The following HAPLN3 variants were observed in gnomAD, a reference collection of about 807,000 sequenced individuals.
HAPLN3 encodes the protein extracellular link domain containing, 1.
A neutral mutation model predicts 28.1 loss-of-function variants in HAPLN3; 28 were observed. The observed-to-expected ratio is 1.00, with a 90% CI of 0.74 to 1.37. The LOEUF (loss-of-function observed/expected upper bound fraction) is 1.37, where lower values mean the gene tolerates loss of function less well. Among genes scored for constraint, HAPLN3 ranks in the 40% most tolerant of loss-of-function variants. The pLI, the probability that HAPLN3 is intolerant of heterozygous loss-of-function variation, is 0.00. For missense variants in HAPLN3, 513 were observed against 504.6 expected, an observed-to-expected ratio of 1.02 and a Z score of -0.16; for synonymous variants, 211 against 213.1, an observed-to-expected ratio of 0.99 and a Z score of 0.09.
intron 2 of HAPLN3, among the ~76,000 whole-genome samples, chr15:88,886,520 T>C (rs1369451478): frequency 6.6e-6 from 1 of 151,546 alleles, no homozygotes; most frequent in East Asian, 2.0e-4. Flanking sequence ...TAGTAAGAGG[T>C]AGAATTATAA....
chr15:88,887,045 C>A (rs540063503), intron 2 of HAPLN3, 130 bp downstream of exon 2: 2 of 993,782 alleles, frequency 2.0e-6, no homozygotes, highest in Non-Finnish European at 3.2e-6. Context: ...GCAAGCTGGC[C>A]CACTACAAGG....
Position 88,887,159 on chromosome 15 carries a change from G to T in HAPLN3, c.124+16C>A, listed in dbSNP as rs1377509579. 3.1e-6 allele frequency: 5 copies of T among 1,613,874 alleles called. No individual in the cohort carries two copies. The highest frequency in any genetic ancestry group is 1.7e-5 in the Admixed American group (1 of 60,006). ...CACCCAGGGGAGCAAAGAGCCGGGT[G>T]CAGGAGGTCGCCTACCTTTGCCATG... On this transcript the variant is annotated intron_variant, in intron 2 of 4. Transcript: ENST00000359595.
Position 88,888,654 on chromosome 15 carries a change from T to A in HAPLN3, c.-47-1309A>T, listed in dbSNP as rs1897930497. On this transcript the variant is annotated intron_variant, in intron 1 of 4. Transcript: ENST00000359595. The surrounding 1 kb of genome is among the most constrained non-coding windows in gnomAD (Gnocchi z 4.1). Reference sequence around the variant, plus strand: ...GCCATTTACTGCGTGCTCTCAACAATTAAAAGATGGGGTCACTCCTTGAAG... The same window carrying A: ...GCCATTTACTGCGTGCTCTCAACAAATAAAAGATGGGGTCACTCCTTGAAG... 2.0e-5 allele frequency among the ~76,000 whole-genome samples: 3 copies of A among 152,092 alleles called. No homozygotes were observed. The highest frequency in any genetic ancestry group is 2.0e-4 in the Admixed American group (3 of 15,252).
At chr15:88,894,276 G>A (rs1283005278) in intron 1 of HAPLN3, among the ~76,000 whole-genome samples, 1 of 152,196 alleles carries the variant, frequency 6.6e-6, no homozygotes, top group Non-Finnish European at 1.5e-5. Flanking sequence ...CTTAGAGAAA[G>A]TTCAGGTTTC....
At chr15:88,878,407 C>T (rs1419826244) in intron 4 of HAPLN3, 151 bp from the exon 5 acceptor site, 6 of 725,386 alleles carry the variant, frequency 8.3e-6, no homozygotes, top group Non-Finnish European at 1.3e-5. Context: ...TAATCTTCAC[C>T]CTGTCCCAGA....
intron 2 of HAPLN3, among the ~76,000 whole-genome samples, chr15:88,884,020 A>G (rs57589448): frequency 0.085 from 12,861 of 151,468 alleles, 704 homozygotes; most frequent in Middle Eastern, 0.19. Flanking sequence ...CAGAAGTTGC[A>G]GTGAGCCGAG....
Position 88,879,195 on chromosome 15 carries a change from C to G in HAPLN3, c.568G>C (p.Glu190Gln). 6.2e-7 allele frequency: 1 copy of G among 1,613,216 alleles called. No individual in the cohort carries two copies. Among genetic ancestry groups the G allele is most frequent in the Non-Finnish European group, 8.5e-7 (1 of 1,179,670 alleles). ...NFHEGQQVCA[E>Q]QAAVVASFEQ... ...AAGGAGGCCACCACCGCAGCCTGCT[C>G]TGCACAGACCTGCTGGCCCTCGTGG... The change falls in exon 4 of 5, where the codon GAG (glutamate) becomes CAG (glutamine). Residue 190 changes from glutamate to glutamine, a missense_variant. By Grantham distance (29) the Glu-to-Gln change is conservative. Transcript: ENST00000359595. This position sits in a 1 kb window ranked among gnomAD's most constrained non-coding sequence, Gnocchi z 5.0.
chr15:88,879,789 T>C lies in HAPLN3; in HGVS notation c.494-520A>G, dbSNP rs973078757. 4 of 1,108,236 alleles carry C rather than the reference T, an allele frequency of 3.6e-6. No homozygotes were observed. The highest frequency in any genetic ancestry group is 9.0e-5 in the Admixed American group (2 of 22,102). 68.7% of individuals were successfully genotyped at this position (1,108,236 alleles called of 1,614,324 possible). Reference sequence around the variant, plus strand: ...GAGAGGGTTGGGGAAGGGCCTTCCATAAAGGAGGCTCAAGGGCAGGGAGGT... The same window carrying C: ...GAGAGGGTTGGGGAAGGGCCTTCCACAAAGGAGGCTCAAGGGCAGGGAGGT... On this transcript the variant is annotated intron_variant, in intron 3 of 4. Coordinates refer to ENST00000359595, the MANE Select transcript of HAPLN3 (RefSeq NM_178232.4). This position sits in a 1 kb window ranked among gnomAD's most constrained non-coding sequence, Gnocchi z 5.0.
At chr15:88,886,874 CCCCTTT>C (rs1897871501) in intron 2 of HAPLN3, among the ~76,000 whole-genome samples, 1 of 152,200 alleles carries the variant, frequency 6.6e-6, no homozygotes, top group Admixed American at 6.5e-5. Flanking sequence ...GACCCCAGGT[CCCCTTT>C]CCACTGGGGG....
chr15:88,889,570 G>C (rs1011569857), intron 1 of HAPLN3, among the ~76,000 whole-genome samples: 2 of 152,028 alleles, frequency 1.3e-5, no homozygotes, highest in African/African-American at 4.8e-5. Flanking sequence ...TCCTCGCCTC[G>C]AGTGATCCGC....
At chr15:88,893,949 GGT>G (rs72057409) in intron 1 of HAPLN3, among the ~76,000 whole-genome samples, 8,363 of 72,438 alleles carry the variant, frequency 0.12, 433 homozygotes, top group East Asian at 0.25. Flanking sequence ...AAAAAGTTGG[GGT>G]GGGGGGGGCG....
In HAPLN3 at chr15:88,887,304, C is replaced by T. The variant is rs748292227; in HGVS notation, c.-6G>A. 1.9e-6 allele frequency: 3 copies of T among 1,613,936 alleles called. No individual in the cohort carries two copies. In the East Asian group the frequency reaches 6.7e-5, roughly 36 times the overall value. On this transcript the variant is annotated 5_prime_UTR_variant, in exon 2 of 5. It removes an upstream start codon present in the reference 5' UTR. Transcript: ENST00000359595. ...ACCAGGAGCAACAGGCCCATCTCCT[C>T]ATGCCAGGGTGACCCGGGCCAGGCT... is the stretch of plus-strand genomic sequence containing the variant.
At chr15:88,891,899 T>G (rs1292249071) in intron 1 of HAPLN3, among the ~76,000 whole-genome samples, 1 of 152,220 alleles carries the variant, frequency 6.6e-6, no homozygotes, top group East Asian at 1.9e-4. Flanking sequence ...GGGCCAAGAT[T>G]TGATGTTGAG....
chr15:88,890,627 G>A (rs1422612522), intron 1 of HAPLN3, among the ~76,000 whole-genome samples: 5 of 152,162 alleles, frequency 3.3e-5, no homozygotes, highest in Non-Finnish European at 7.3e-5. Flanking sequence ...AGAGCTATGT[G>A]ACTCAGTTCT....
At position 88,880,352 on chromosome 15, in the gene HAPLN3, C is replaced by T; in HGVS notation, c.493+1005G>A. ...CGGCCCCTCTGAGCCACCATGTAAG[C>T]CATGTGGACACTGGTGGCAAAGACA... On this transcript the variant is annotated intron_variant, in intron 3 of 4. Coordinates refer to ENST00000359595, the MANE Select transcript of HAPLN3 (RefSeq NM_178232.4). The surrounding 1 kb of genome is among the most constrained non-coding windows in gnomAD (Gnocchi z 6.0). 1 of 1,118,724 alleles carries T rather than the reference C, an allele frequency of 8.9e-7. No homozygotes were observed. The highest frequency in any genetic ancestry group is 7.5e-5 in the East Asian group (1 of 13,290). The allele number at this position is 1,118,724 out of a possible 1,614,324, so 69.3% of individuals were successfully genotyped here.
chr15:88,878,596 G>A (rs1897602238), intron 4 of HAPLN3, among the ~76,000 whole-genome samples: 1 of 152,182 alleles, frequency 6.6e-6, no homozygotes, highest in Non-Finnish European at 1.5e-5. Context: ...CAAGGGCTTG[G>A]CATATGACAC....
chr15:88,879,188 G>A lies in HAPLN3; in HGVS notation c.575C>T (p.Ala192Val). Residue 192 changes from alanine (A) to valine (V), a missense_variant, in exon 4 of 5, where the codon GCT becomes GTT. Physicochemically the swap from Ala to Val is moderately conservative, Grantham distance 64. Transcript: ENST00000359595. The surrounding 1 kb of genome is among the most constrained non-coding windows in gnomAD (Gnocchi z 5.0). ...CTGCTCAAAGGAGGCCACCACCGCA[G>A]CCTGCTCTGCACAGACCTGCTGGCC... Reference protein sequence around the residue: ...HEGQQVCAEQAAVVASFEQLF... With the variant: ...HEGQQVCAEQVAVVASFEQLF... 1.2e-6 allele frequency: 2 copies of A among 1,613,814 alleles called. No individual in the cohort carries two copies. Among genetic ancestry groups the A allele is most frequent in the Non-Finnish European group, 8.5e-7 (1 of 1,179,958 alleles).
intron 1 of HAPLN3, among the ~76,000 whole-genome samples, chr15:88,892,268 C>T (rs1204122090): frequency 6.6e-6 from 1 of 151,898 alleles, no homozygotes; most frequent in Non-Finnish European, 1.5e-5. Flanking sequence ...ACCAGCTTGG[C>T]CAACATGGTA....
chr15:88,877,870 G>C lies in HAPLN3; in HGVS notation c.*100C>G. ...GTTTAAAGAAAATTTAAATTGAGAA[G>C]TATAAAAACAGTTAAAATGGCTCCA... On this transcript the variant is annotated 3_prime_UTR_variant, in exon 5 of 5. Coordinates refer to ENST00000359595, the MANE Select transcript of HAPLN3 (RefSeq NM_178232.4). This position sits in a 1 kb window ranked among gnomAD's most constrained non-coding sequence, Gnocchi z 5.1. 5 of 1,182,278 alleles carry C rather than the reference G, an allele frequency of 4.2e-6. No homozygotes were observed. Among genetic ancestry groups the C allele is most frequent in the African/African-American group, 1.6e-5 (1 of 64,474 alleles). 73.2% of individuals were successfully genotyped at this position (1,182,278 alleles called of 1,614,324 possible).
Sources: gnomAD v4.1 joint callset for allele counts (sites outside exome capture counted in the v4.1 genomes callset) on GRCh38, gnomAD v4.1.1 for gene constraint, Gnocchi (gnomAD v3.1) non-coding constraint, MANE v1.5 for transcripts, NCBI Gene and HGNC (gene_info 2026-07-23, HGNC 2026-07-21) for gene names.